CCSER2: variants seen among roughly 807,000 people sequenced by gnomAD.
CCSER2 encodes the protein serine-rich coiled-coil domain-containing protein 2.
In CCSER2, 46 loss-of-function variants were observed where a neutral mutation model predicts 92.3. That is an observed-to-expected ratio of 0.50 (90% confidence interval 0.39 to 0.64). CCSER2 has a LOEUF of 0.64. CCSER2 is among the 30% of genes least tolerant of loss of function. The pLI, the probability that CCSER2 is intolerant of heterozygous loss-of-function variation, is 0.00. For missense variants in CCSER2, 1,244 were observed against 1,238.9 expected, an observed-to-expected ratio of 1.00 and a Z score of -0.06; for synonymous variants, 433 against 431.4, an observed-to-expected ratio of 1.00 and a Z score of -0.04.
chr10:84,343,174 C>T (rs1435954687), intron 1 of CCSER2, among the ~76,000 whole-genome samples: 2 of 152,126 alleles, frequency 1.3e-5, no homozygotes, highest in Non-Finnish European at 2.9e-5. Flanking sequence ...GGCCCTGTTT[C>T]TTGTTCATAC....
chr10:84,417,223 A>G (rs1322816652), intron 3 of CCSER2, among the ~76,000 whole-genome samples: 1 of 152,260 alleles, frequency 6.6e-6, no homozygotes, highest in East Asian at 1.9e-4. Context: ...CAGGGACTGC[A>G]TATGCTAGGT....
rs1252504154 is a variant in CCSER2 at position 84,372,209 on chromosome 10, A to G, written c.1157A>G (p.Lys386Arg). Residue 386 changes from lysine (K) to arginine (R), a missense_variant, in exon 2 of 10, where the codon AAA becomes AGA. Lys to Arg is a conservative substitution (Grantham distance 26). Coordinates refer to ENST00000372088, the MANE Select transcript of CCSER2 (RefSeq NM_001284240.2). ...KNNQTMKHDA[K>R]MRYLSDDVDD... ...AACCAGACCATGAAACATGATGCTA[A>G]AATGAGATACCTGAGTGATGATGTG... The G allele has an allele frequency of 1.2e-6, 2 of 1,613,554 alleles. No individual in the cohort carries two copies. The highest frequency in any genetic ancestry group is 2.7e-5 in the African/African-American group (2 of 74,918).
chr10:84,356,826 T>C (rs796826894), intron 1 of CCSER2, among the ~76,000 whole-genome samples: 6 of 152,320 alleles, frequency 3.9e-5, no homozygotes, highest in African/African-American at 1.4e-4. Flanking sequence ...AATTGAAATA[T>C]ACTGCCAATT....
chr10:84,353,796 A>T (rs1845001670), intron 1 of CCSER2, among the ~76,000 whole-genome samples: 1 of 152,122 alleles, frequency 6.6e-6, no homozygotes, highest in African/African-American at 2.4e-5. Context: ...TCATGGTGGG[A>T]TCTTGTTCCA....
chr10:84,362,438 C>G (rs912406348), intron 1 of CCSER2, among the ~76,000 whole-genome samples: 1 of 152,004 alleles, frequency 6.6e-6, no homozygotes, highest in Non-Finnish European at 1.5e-5. Context: ...GTTCCTGTAC[C>G]AACTGGTAAA....
chr10:84,389,679 T>G (rs1378308710), intron 3 of CCSER2: 1 of 174,562 alleles, frequency 5.7e-6, no homozygotes. Context: ...CAAAGAGAGT[T>G]GCACCTTGGC....
intron 6 of CCSER2, among the ~76,000 whole-genome samples, chr10:84,451,157 T>C (rs745718320): frequency 1.3e-4 from 19 of 150,828 alleles, no homozygotes; most frequent in Non-Finnish European, 2.1e-4. Context: ...ACACAACACA[T>C]AGAGCAATGA....
rs1323703975 is a variant in CCSER2, at chr10:84,371,347, G to A, written c.295G>A (p.Val99Ile). 1.2e-6 allele frequency: 2 copies of A among 1,613,694 alleles called. No homozygotes were observed. The highest frequency in any genetic ancestry group is 1.7e-6 in the Non-Finnish European group (2 of 1,179,820). The change falls in exon 2 of 10, where the codon GTT (valine) becomes ATT (isoleucine). Residue 99 changes from valine to isoleucine, a missense_variant. Transcript: ENST00000372088. ...TAAAATAATTGATCCTGAAAAACGT[G>A]TTCCTACTCAAGGAATGTTTGATAA... Reference protein sequence around the residue: ...HDKIIDPEKRVPTQGMFDKNG... With the variant: ...HDKIIDPEKRIPTQGMFDKNG...
At chr10:84,497,718 C>T (rs1032450046) in intron 9 of CCSER2, among the ~76,000 whole-genome samples, 8 of 152,140 alleles carry the variant, frequency 5.3e-5, no homozygotes, top group Non-Finnish European at 7.4e-5. Flanking sequence ...AAAACTCCTG[C>T]GAACTTATAG....
intron 6 of CCSER2, among the ~76,000 whole-genome samples, chr10:84,448,087 A>C (rs1055385938): frequency 6.6e-6 from 1 of 151,856 alleles, no homozygotes; most frequent in Non-Finnish European, 1.5e-5. Context: ...CTCCACACCA[A>C]TCCCCATCTC....
intron 9 of CCSER2, among the ~76,000 whole-genome samples, chr10:84,483,694 A>C (rs1847590941): frequency 6.6e-6 from 1 of 151,682 alleles, no homozygotes; most frequent in Admixed American, 6.6e-5. Flanking sequence ...ATCTCCCCCA[A>C]ATCCATTTTC....
At chr10:84,472,602 G>A (rs879613486) in intron 8 of CCSER2, among the ~76,000 whole-genome samples, 15 of 151,954 alleles carry the variant, frequency 9.9e-5, no homozygotes, top group Non-Finnish European at 1.9e-4. Context: ...GGGGGAGACA[G>A]AATAAAATTA....
rs1187303667 is a variant in CCSER2, at chr10:84,332,436, A to ATTTTT, written c.-40+3645_-40+3649dup. On this transcript the variant is annotated intron_variant, in intron 1 of 9. Transcript: ENST00000372088. ...TTTATATATATATATATATATATAT[A>ATTTTT]TTTTTTTTTTTTTTTTTTTTTGAGA... 3.0e-3 allele frequency among the ~76,000 whole-genome samples: 165 copies of ATTTTT among 55,204 alleles called. 3 individuals are homozygous for ATTTTT. The highest frequency in any genetic ancestry group is 4.5e-3 in the South Asian group (5 of 1,100). 36.2% of individuals were successfully genotyped at this position (55,204 alleles called of 152,430 possible).
intron 8 of CCSER2, among the ~76,000 whole-genome samples, chr10:84,472,340 G>A (rs1005596353): frequency 5.9e-5 from 9 of 152,096 alleles, no homozygotes; most frequent in Admixed American, 5.2e-4. Flanking sequence ...AGGCCTAGGT[G>A]GGTGGATTGC....
intron 1 of CCSER2, among the ~76,000 whole-genome samples, chr10:84,352,116 T>C (rs888189922): frequency 6.6e-6 from 1 of 151,820 alleles, no homozygotes. Flanking sequence ...CTGGCCAACA[T>C]GGTGAAACCC....
At position 84,372,089 on chromosome 10, in the gene CCSER2, CAT is replaced by C. The variant is rs774464580; in HGVS notation, c.1038_1039del (p.Val348ArgfsTer9). On this transcript the variant is annotated frameshift_variant, in exon 2 of 10. Coordinates refer to ENST00000372088, the MANE Select transcript of CCSER2 (RefSeq NM_001284240.2). LOFTEE classifies it high-confidence loss of function. Reference sequence around the variant, plus strand: ...GGAAATAAAAATTCACCTGCTGACACATGTGTAGAGGAAGATGCTACAGTTTT... The same window carrying C: ...GGAAATAAAAATTCACCTGCTGACACGTGTAGAGGAAGATGCTACAGTTTT... 23 of 1,613,608 alleles carry C rather than the reference CAT, an allele frequency of 1.4e-5. No homozygotes were observed. The highest frequency in any genetic ancestry group is 8.0e-5 in the African/African-American group (6 of 74,872).
At chr10:84,335,044 A>G (rs1221957832) in intron 1 of CCSER2, among the ~76,000 whole-genome samples, 1 of 152,032 alleles carries the variant, frequency 6.6e-6, no homozygotes, top group East Asian at 1.9e-4. Flanking sequence ...CCTACCCTGT[A>G]TCTTGAGTTC....
At chr10:84,392,492 A>G (rs886345057) in intron 3 of CCSER2, among the ~76,000 whole-genome samples, 3 of 152,068 alleles carry the variant, frequency 2.0e-5, no homozygotes, top group Admixed American at 6.5e-5. Flanking sequence ...AGTTACAAAT[A>G]GTAAAGAAGC....
intron 3 of CCSER2, among the ~76,000 whole-genome samples, chr10:84,402,813 G>GAA: frequency 6.6e-6 from 1 of 152,222 alleles, no homozygotes; most frequent in South Asian, 2.1e-4. Context: ...GAGAAAGAAA[G>GAA]AAAAGGGATT....
Sources: allele counts gnomAD v4.1 joint callset (sites outside exome capture counted in the v4.1 genomes callset), GRCh38; gene constraint gnomAD v4.1.1; transcripts MANE v1.5; gene names NCBI Gene and HGNC (gene_info 2026-07-23, HGNC 2026-07-21).